COL11A2: variants seen among roughly 807,000 people sequenced by gnomAD.
The protein encoded by COL11A2 is collagen alpha-2(XI) chain.
In COL11A2, 116 loss-of-function variants were observed where a neutral mutation model predicts 273.4. That is an observed-to-expected ratio of 0.42 (90% CI 0.36 to 0.49). COL11A2 has a LOEUF of 0.49. COL11A2 is among the 20% of genes least tolerant of loss of function. The probability of loss-of-function intolerance (pLI) is 0.00; values close to 1 mark genes in which losing one functional copy is unlikely to be tolerated. For synonymous variants in COL11A2, 782 were observed against 864.2 expected, an observed-to-expected ratio of 0.90 and a Z score of 1.67; for missense variants, 1,866 against 2,309.0, an observed-to-expected ratio of 0.81 and a Z score of 3.93.
At position 33,166,822 on chromosome 6, in the gene COL11A2, G is replaced by A. The variant is rs1769219551; in HGVS notation, c.4236C>T (p.His1412=). 1 of 1,613,462 alleles carries A rather than the reference G, an allele frequency of 6.2e-7. No individual in the cohort carries two copies. Among genetic ancestry groups the A allele is most frequent in the Non-Finnish European group, 8.5e-7 (1 of 1,179,998 alleles). Reference sequence around the variant, plus strand: ...GCCCAATCAGTCCAATGAGACCTGGGTGGCCCTAGAGAAGGGTGCAGGCAG... The same window carrying A: ...GCCCAATCAGTCCAATGAGACCTGGATGGCCCTAGAGAAGGGTGCAGGCAG... ...GDAGAKGEKG[H]PGLIGLIGPP... The change falls in exon 59 of 66, where the codon CAC becomes CAT. Residue 1412 remains histidine (H), a synonymous_variant. Coordinates refer to ENST00000341947, the MANE Select transcript of COL11A2 (RefSeq NM_080680.3). The surrounding 1 kb of genome is among the most constrained non-coding windows in gnomAD (Gnocchi z 4.8).
Position 33,179,503 on chromosome 6 carries a change from G to T in COL11A2, c.1447-16C>A, listed in dbSNP as rs1455924177. The T allele has an allele frequency of 1.9e-6, 3 of 1,554,690 alleles. No individual in the cohort carries two copies. The highest frequency in any genetic ancestry group is 8.7e-7 in the Non-Finnish European group (1 of 1,148,156). ...GGAGCGCCAGCTAGGGGAGCAGGGG[G>T]ACAGCAGAGCTGAGGGACAGGCAGT... On this transcript the variant is annotated splice_polypyrimidine_tract_variant and intron_variant, in intron 13 of 65. Transcript: ENST00000341947. The surrounding 1 kb of genome is among the most constrained non-coding windows in gnomAD (Gnocchi z 6.4).
Position 33,191,336 on chromosome 6 carries a change from T to C in COL11A2, c.82+823A>G, listed in dbSNP as rs374586024. On this transcript the variant is annotated intron_variant, in intron 1 of 65. Coordinates refer to ENST00000341947, the MANE Select transcript of COL11A2 (RefSeq NM_080680.3). ...AGTCAAGTTAAATATAAATCAGCCC[T>C]CAGTGTCTCCAGAAATGGGCTTTTT... is the stretch of plus-strand genomic sequence containing the variant. 1.0e-3 allele frequency among the ~76,000 whole-genome samples: 158 copies of C among 152,372 alleles called. No homozygotes were observed. In the South Asian group the frequency reaches 0.026, roughly 25 times the overall value.
Position 33,177,093 on chromosome 6 carries a change from G to T in COL11A2, c.2017-48C>A, listed in dbSNP as rs760219863. ...AGGGTCACTAGAGGGGTCATGTCTG[G>T]ACACAGACAAAATCCCAGCAGACAT... On this transcript the variant is annotated intron_variant, in intron 24 of 65. Transcript: ENST00000341947. This position sits in a 1 kb window ranked among gnomAD's most constrained non-coding sequence, Gnocchi z 5.9. 6 of 1,611,284 alleles carry T rather than the reference G, an allele frequency of 3.7e-6. No homozygotes were observed. In the African/African-American group the frequency reaches 6.7e-5, roughly 18 times the overall value.
At chr6:33,175,850 G>C (rs1414778878) in intron 29 of COL11A2, among the ~76,000 whole-genome samples, 166 bp downstream of exon 29, 1 of 152,152 alleles carries the variant, frequency 6.6e-6, no homozygotes, top group African/African-American at 2.4e-5. Context: ...GGGCAGGCAT[G>C]ACACAGACCA....
intron 1 of COL11A2, among the ~76,000 whole-genome samples, chr6:33,191,620 C>G (rs1254375985): frequency 6.6e-6 from 1 of 152,230 alleles, no homozygotes; most frequent in African/African-American, 2.4e-5. Flanking sequence ...CTCCCCAGAG[C>G]CAGCTGCGTG....
Position 33,171,314 on chromosome 6 carries a change from C to T in COL11A2, c.3269G>A (p.Gly1090Glu). ...TTTGGTGCCCTTCTGTCCGGGGTCC[C>T]CCACCTCACCCTGGGAGGAGAAGGC... The part of the protein sequence containing the change: ...AGEDGDKGEV[G>E]DPGQKGTKGN... Residue 1090 changes from glycine to glutamate, a missense_variant, in exon 44 of 66, where the codon GGG becomes GAG. Gly to Glu is a moderately conservative substitution (Grantham distance 98). Transcript: ENST00000341947. 1 of 1,614,208 alleles carries T rather than the reference C, an allele frequency of 6.2e-7. No homozygotes were observed. The highest frequency in any genetic ancestry group is 8.5e-7 in the Non-Finnish European group (1 of 1,180,024).
Position 33,177,422 on chromosome 6 carries a change from G to T in COL11A2, c.1961C>A (p.Pro654His). The part of the protein sequence containing the change: ...EPGPPGQQGT[P>H]GTQGLPGPQG... ...AGGGGCACCGCTCACCTGGGTCCCA[G>T]GGGTGCCCTGTTGTCCAGGAGGTCC... Residue 654 changes from proline to histidine, a missense_variant, in exon 23 of 66, where the codon CCT (proline) becomes CAT (histidine). By Grantham distance (77) the Pro-to-His change is moderately conservative. Transcript: ENST00000341947. The surrounding 1 kb of genome is among the most constrained non-coding windows in gnomAD (Gnocchi z 5.9). 1 of 1,612,912 alleles carries T rather than the reference G, an allele frequency of 6.2e-7. No individual in the cohort carries two copies. The highest frequency in any genetic ancestry group is 8.5e-7 in the Non-Finnish European group (1 of 1,179,950).
chr6:33,188,477 A>T lies in COL11A2; in HGVS notation c.491T>A (p.Ile164Asn), dbSNP rs1370628133. Residue 164 changes from isoleucine to asparagine, a missense_variant, in exon 4 of 66, where the codon ATT (isoleucine) becomes AAT (asparagine). Transcript: ENST00000341947. ...VAVKGQSVTL[I>N]VDCKKRVTRP... is the part of the protein sequence containing the mutation. ...GGTGACTCGCTTCTTGCAGTCAACAATGAGGGTGACAGACTGGCCCTTCAC... is the reference window on the plus strand; with the variant it reads ...GGTGACTCGCTTCTTGCAGTCAACATTGAGGGTGACAGACTGGCCCTTCAC... The T allele has an allele frequency of 3.1e-6, 5 of 1,613,074 alleles. No homozygotes were observed. In the South Asian group the frequency reaches 5.5e-5, roughly 18 times the overall value.
chr6:33,189,459 A>G lies in COL11A2; in HGVS notation c.93T>C (p.Pro31=), dbSNP rs750655079. Residue 31 remains proline, a synonymous_variant, in exon 2 of 66, where the codon CCT becomes CCC. Coordinates refer to ENST00000341947, the MANE Select transcript of COL11A2 (RefSeq NM_080680.3). This position sits in a 1 kb window ranked among gnomAD's most constrained non-coding sequence, Gnocchi z 5.6. Reference sequence around the variant, plus strand: ...ACCTCAGGGCCCGGAGCACATCCACAGGGGGTGCACCTGGGAGAGTCCATG... The same window carrying G: ...ACCTCAGGGCCCGGAGCACATCCACGGGGGGTGCACCTGGGAGAGTCCATG... The part of the protein sequence containing the change: ...SAAPGWAGAP[P]VDVLRALRFP... 14 of 1,612,902 alleles carry G rather than the reference A, an allele frequency of 8.7e-6. No individual in the cohort carries two copies. Among genetic ancestry groups the G allele is most frequent in the Non-Finnish European group, 1.1e-5 (13 of 1,179,998 alleles).
chr6:33,176,094 C>T lies in COL11A2; in HGVS notation c.2215-25G>A. On this transcript the variant is annotated intron_variant, in intron 28 of 65. Coordinates refer to ENST00000341947, the MANE Select transcript of COL11A2 (RefSeq NM_080680.3). The surrounding 1 kb of genome is among the most constrained non-coding windows in gnomAD (Gnocchi z 4.9). Reference sequence around the variant, plus strand: ...CCTGAGAAAGATAGAGGTGAGAGGGCACCACAGATGACAGAGGGCTGGGGT... The same window carrying T: ...CCTGAGAAAGATAGAGGTGAGAGGGTACCACAGATGACAGAGGGCTGGGGT... The T allele has an allele frequency of 2.5e-6, 4 of 1,612,842 alleles. No individual in the cohort carries two copies. The highest frequency in any genetic ancestry group is 3.4e-6 in the Non-Finnish European group (4 of 1,179,864).
chr6:33,179,078 G>A lies in COL11A2; in HGVS notation c.1606C>T (p.Arg536Ter). The A allele has an allele frequency of 1.2e-6, 2 of 1,613,816 alleles. No individual in the cohort carries two copies. The highest frequency in any genetic ancestry group is 2.2e-5 in the East Asian group (1 of 44,864). The change falls in exon 16 of 66, where the codon CGA (arginine) becomes TGA (stop). Residue 536 changes from arginine (R) to a stop codon, truncating the protein, a stop_gained. Coordinates refer to ENST00000341947, the MANE Select transcript of COL11A2 (RefSeq NM_080680.3). LOFTEE classifies it high-confidence loss of function. The surrounding 1 kb of genome is among the most constrained non-coding windows in gnomAD (Gnocchi z 6.4). ...TCCACCCCTGGGGCACTCACCCTTC[G>A]CCCAGCCTTGCCAGGAGGGCCTGTG... Reference protein sequence around the residue: ...GLTGPPGKAGRRGRAGADGAR... With the variant: ...GLTGPPGKAG
rs1055792851 is a variant in COL11A2, at chr6:33,168,675, CAG to C, written c.3906+29_3906+30del. 3.8e-6 allele frequency: 6 copies of C among 1,590,146 alleles called. No individual in the cohort carries two copies. In the African/African-American group the frequency reaches 8.1e-5, roughly 21 times the overall value. On this transcript the variant is annotated intron_variant, in intron 53 of 65. Coordinates refer to ENST00000341947, the MANE Select transcript of COL11A2 (RefSeq NM_080680.3). ...GGGTAAAGAGGATGAGGCTTGGGCT[CAG>C]GGGGGTGGTGGGGTCACCAGGCACT...
chr6:33,183,809 G>A lies in COL11A2; in HGVS notation c.1119+336C>T, dbSNP rs185356203. Among the ~76,000 whole-genome samples the A allele has an allele frequency of 2.6e-5, 4 of 151,902 alleles. No individual in the cohort carries two copies. The East Asian group carries it at 7.7e-4, about 29-fold the overall frequency. On this transcript the variant is annotated intron_variant, in intron 8 of 65. Coordinates refer to ENST00000341947, the MANE Select transcript of COL11A2 (RefSeq NM_080680.3). ...AGAGAAACACTGAAAATGGACACAA[G>A]GTAGTAGTTTATTGACCAAAAGCTT...
At chr6:33,175,546 C>T in intron 30 of COL11A2, 28 bp downstream of exon 30, 1 of 1,598,034 alleles carries the variant, frequency 6.3e-7, no homozygotes, top group Non-Finnish European at 8.6e-7. Flanking sequence ...CCCCAGAGGA[C>T]CCAGGCACAG....
intron 8 of COL11A2, 80 bp from the exon 9 acceptor site, chr6:33,181,250 C>A: frequency 6.9e-7 from 1 of 1,439,588 alleles, no homozygotes; most frequent in Non-Finnish European, 9.8e-7. Context: ...TCAACTCCAA[C>A]CTTGATTCTT....
Position 33,179,479 on chromosome 6 carries a change from G to C in COL11A2, c.1455C>G (p.Leu485=). The C allele has an allele frequency of 6.4e-7, 1 of 1,563,446 alleles. No homozygotes were observed. The highest frequency in any genetic ancestry group is 8.7e-7 in the Non-Finnish European group (1 of 1,153,764). The part of the protein sequence containing the change: ...QAILQQARLA[L]RGPPGPMGYT... The stretch of plus-strand genomic sequence containing the variant: ...ATCCCATGGGGCCAGGGGGTCCACG[G>C]AGCGCCAGCTAGGGGAGCAGGGGGA... The change falls in exon 14 of 66, where the codon CTC becomes CTG. Residue 485 remains leucine (L), a synonymous_variant. Transcript: ENST00000341947. The surrounding 1 kb of genome is among the most constrained non-coding windows in gnomAD (Gnocchi z 6.4).
chr6:33,178,211 C>A lies in COL11A2; in HGVS notation c.1819-26G>T. The A allele has an allele frequency of 6.2e-7, 1 of 1,612,372 alleles. No homozygotes were observed. Among genetic ancestry groups the A allele is most frequent in the Non-Finnish European group, 8.5e-7 (1 of 1,179,612 alleles). On this transcript the variant is annotated intron_variant, in intron 20 of 65. Transcript: ENST00000341947. The surrounding 1 kb of genome is among the most constrained non-coding windows in gnomAD (Gnocchi z 4.6). ...CTGCATTCACGGTGAGGGGAGGAGA[C>A]GGCATGAATGGATAAAACTGTGTCC... is the stretch of plus-strand genomic sequence containing the variant.
chr6:33,164,124 G>A lies in COL11A2; in HGVS notation c.5070+143C>T. The A allele has an allele frequency of 9.5e-7, 1 of 1,056,796 alleles. No homozygotes were observed. Among genetic ancestry groups the A allele is most frequent in the Non-Finnish European group, 1.4e-6 (1 of 736,218 alleles). The allele number at this position is 1,056,796 out of a possible 1,614,324, so 65.5% of individuals were successfully genotyped here. The stretch of plus-strand genomic sequence containing the variant: ...CTTTCCACCTTCCTCACCGGCTTTT[G>A]AGCTCCCTCAGGCATCCCTGACAAT... On this transcript the variant is annotated intron_variant, in intron 65 of 65. Transcript: ENST00000341947. The surrounding 1 kb of genome is among the most constrained non-coding windows in gnomAD (Gnocchi z 4.7).
chr6:33,184,513 A>G (rs1351822068), intron 7 of COL11A2, among the ~76,000 whole-genome samples, 189 bp from the exon 8 acceptor site: 1 of 152,180 alleles, frequency 6.6e-6, no homozygotes, highest in Admixed American at 6.5e-5. Context: ...AAGGCCAAAA[A>G]TGGGGAGAGA....
Sources: allele counts gnomAD v4.1 joint callset (sites outside exome capture counted in the v4.1 genomes callset), GRCh38; gene constraint gnomAD v4.1.1; non-coding constraint Gnocchi (gnomAD v3.1); transcripts MANE v1.5; gene names NCBI Gene and HGNC (gene_info 2026-07-23, HGNC 2026-07-21).